IQSEC1: variants seen among roughly 807,000 people sequenced by gnomAD.
IQSEC1 encodes the protein IQ motif and Sec7 domain ArfGEF 1.
IQSEC1 carries 31 observed loss-of-function variants against 91.0 expected under a neutral mutation model. The observed-to-expected ratio is 0.34, with a 90% CI of 0.26 to 0.46. The LOEUF (loss-of-function observed/expected upper bound fraction) is 0.46. Among genes scored for constraint, IQSEC1 ranks in the 20% least tolerant of loss-of-function variants. IQSEC1 has a pLI of 1.00. For synonymous variants in IQSEC1, 699 were observed against 662.6 expected, an observed-to-expected ratio of 1.05 and a Z score of -0.84; for missense variants, 1,388 against 1,575.6, an observed-to-expected ratio of 0.88 and a Z score of 2.02.
chr3:13,225,907 T>TCCCA (rs767525229), intron 1 of IQSEC1, among the ~76,000 whole-genome samples: 1 of 151,510 alleles, frequency 6.6e-6, no homozygotes, highest in Non-Finnish European at 1.5e-5. Flanking sequence ...TGAGAAGGAG[T>TCCCA]CCCACTCTGT....
At chr3:13,241,778 G>A (rs1411182133) in intron 1 of IQSEC1, among the ~76,000 whole-genome samples, 3 of 152,258 alleles carry the variant, frequency 2.0e-5, no homozygotes, top group Non-Finnish European at 4.4e-5. Flanking sequence ...GCCCCGGGAG[G>A]GGGACCCACT....
chr3:12,944,127 G>A (rs557749086), intron 1 of IQSEC1, among the ~76,000 whole-genome samples: 1 of 152,234 alleles, frequency 6.6e-6, no homozygotes, highest in South Asian at 2.1e-4. Context: ...CGGTGGGCTG[G>A]ACTCAATGCC....
At chr3:13,114,664 G>A (rs1706306249) in intron 2 of IQSEC1, among the ~76,000 whole-genome samples, 1 of 151,794 alleles carries the variant, frequency 6.6e-6, no homozygotes, top group African/African-American at 2.4e-5. Context: ...ATGGTGGTGG[G>A]TGCCCGTAAT....
chr3:13,077,489 A>G (rs1034880926), upstream of IQSEC1, among the ~76,000 whole-genome samples: 1 of 152,090 alleles, frequency 6.6e-6, no homozygotes, highest in Admixed American at 6.6e-5. Context: ...TTTTTCTGCA[A>G]CTCTTTCCCC....
chr3:13,055,066 T>A (rs1334400377), intron 1 of IQSEC1, among the ~76,000 whole-genome samples: 1 of 152,206 alleles, frequency 6.6e-6, no homozygotes. Flanking sequence ...GGCCTTCCTG[T>A]CCTGGCTCTG....
chr3:12,958,132 C>T (rs971261484), intron 1 of IQSEC1, among the ~76,000 whole-genome samples: 27 of 152,194 alleles, frequency 1.8e-4, no homozygotes, highest in Non-Finnish European at 1.0e-4. Flanking sequence ...ATCTAACCAT[C>T]GAGCTCCCCC....
chr3:13,085,927 T>C (rs887923240), intron 2 of IQSEC1, among the ~76,000 whole-genome samples: 25 of 152,214 alleles, frequency 1.6e-4, no homozygotes, highest in African/African-American at 6.0e-4. Flanking sequence ...CCGCTATCCT[T>C]ACCCAGGGAG....
rs534012081 is a variant in IQSEC1, at chr3:13,142,900, C to T, written c.302+21204G>A. ...TCTAGGAACCCCAGGCTGGCTCCCA[C>T]CTCAGGAGATGTGCACCAGCTGCCC... On this transcript the variant is annotated intron_variant, in intron 2 of 15. Transcript: ENST00000648114. Among the ~76,000 whole-genome samples, 10 of 152,338 alleles carry T rather than the reference C, an allele frequency of 6.6e-5. No homozygotes were observed. The East Asian group carries it at 1.9e-3, about 29-fold the overall frequency.
chr3:12,917,630 T>C (rs1696226394), intron 6 of IQSEC1, among the ~76,000 whole-genome samples: 1 of 152,222 alleles, frequency 6.6e-6, no homozygotes, highest in African/African-American at 2.4e-5. Flanking sequence ...GCAGTTTATT[T>C]ATCCCTTCAT....
At chr3:13,030,048 C>T (rs575868119) in intron 1 of IQSEC1, among the ~76,000 whole-genome samples, 1 of 152,328 alleles carries the variant, frequency 6.6e-6, no homozygotes, top group Non-Finnish European at 1.5e-5. Context: ...AAGTAATCTT[C>T]CCATCTCAGC....
chr3:13,030,317 G>A (rs975939575), intron 1 of IQSEC1, among the ~76,000 whole-genome samples: 122 of 152,224 alleles, frequency 8.0e-4, no homozygotes, highest in African/African-American at 2.8e-3. Flanking sequence ...GGCTGGTCTC[G>A]AACTCCTCCT....
chr3:13,254,273 C>T (rs767651751), intron 1 of IQSEC1, among the ~76,000 whole-genome samples: 2 of 152,240 alleles, frequency 1.3e-5, no homozygotes, highest in Non-Finnish European at 2.9e-5. Context: ...CTAGGCCACA[C>T]CCTGGGGACG....
At chr3:13,236,924 G>C (rs1388932846) in intron 1 of IQSEC1, among the ~76,000 whole-genome samples, 2 of 152,200 alleles carry the variant, frequency 1.3e-5, no homozygotes, top group Non-Finnish European at 2.9e-5. Context: ...GGTTTTGAAG[G>C]CTGCTCTGCT....
chr3:13,139,409 C>T (rs1354978685), intron 2 of IQSEC1, among the ~76,000 whole-genome samples: 5 of 152,182 alleles, frequency 3.3e-5, no homozygotes, highest in East Asian at 1.9e-4. Context: ...TAGGAAGATC[C>T]GGCATGTTCC....
intron 1 of IQSEC1, among the ~76,000 whole-genome samples, chr3:12,980,569 T>C (rs751542702): frequency 6.6e-6 from 1 of 152,204 alleles, no homozygotes; most frequent in Non-Finnish European, 1.5e-5. Context: ...CACACAACAA[T>C]TTGTTCAACA....
intron 1 of IQSEC1, among the ~76,000 whole-genome samples, chr3:13,274,835 A>G (rs1220977441): frequency 1.3e-5 from 2 of 152,212 alleles, no homozygotes; most frequent in African/African-American, 4.8e-5. Context: ...CTTTGCAGAG[A>G]AGGAACTTGG....
chr3:13,092,180 AG>A lies in IQSEC1; in HGVS notation c.303-44659del, dbSNP rs1705873571. ...TGTGCCTAGGGCTAAGCAAGCCAGC[AG>A]GGACATACCAGGCAGGAGAAGAAGA... On this transcript the variant is annotated intron_variant, in intron 2 of 15. Transcript: ENST00000648114. Among the ~76,000 whole-genome samples the A allele has an allele frequency of 2.6e-5, 4 of 152,232 alleles. No individual in the cohort carries two copies. In the South Asian group the frequency reaches 6.2e-4, roughly 24 times the overall value.
chr3:13,060,754 G>A (rs897865086), intron 1 of IQSEC1, among the ~76,000 whole-genome samples: 2 of 152,324 alleles, frequency 1.3e-5, no homozygotes, highest in Admixed American at 6.5e-5. Flanking sequence ...CTCATCAGCC[G>A]GAAGCTCTTG....
Position 13,148,318 on chromosome 3 carries a change from C to T in IQSEC1, c.302+15786G>A, listed in dbSNP as rs982010308. On this transcript the variant is annotated intron_variant, in intron 2 of 15. Coordinates refer to the IQSEC1 transcript ENST00000648114. ...CCTGGTACGGGGGCAAGGTAAAATC[C>T]GGGGGCCCTCGGTCACATCCACCCC... is the stretch of plus-strand genomic sequence containing the variant. 1.3e-4 allele frequency among the ~76,000 whole-genome samples: 20 copies of T among 152,018 alleles called. 1 individual carries two copies. The highest frequency in any genetic ancestry group is 1.5e-5 in the Non-Finnish European group (1 of 68,002).
Sources: gnomAD v4.1 joint callset for allele counts (sites outside exome capture counted in the v4.1 genomes callset) on GRCh38, gnomAD v4.1.1 for gene constraint, MANE v1.5 for transcripts, NCBI Gene and HGNC (gene_info 2026-07-23, HGNC 2026-07-21) for gene names.